ENPP1: variants seen among roughly 807,000 people sequenced by gnomAD.
ENPP1 encodes ectonucleotide pyrophosphatase/phosphodiesterase family member 1.
ENPP1 carries 73 observed loss-of-function variants against 122.8 expected under a neutral mutation model. The observed-to-expected ratio is 0.59, with a 90% confidence interval of 0.49 to 0.72. The LOEUF is 0.72. Among genes scored for constraint, ENPP1 ranks in the 30% least tolerant of loss-of-function variants. ENPP1 has a pLI of 0.00. For synonymous variants in ENPP1, 367 were observed against 391.6 expected (o/e 0.94, Z 0.74); for missense variants, 978 against 1,128.1 (o/e 0.87, Z 1.91).
intron 1 of ENPP1, among the ~76,000 whole-genome samples, chr6:131,816,853 G>C (rs72983649): frequency 0.1 from 15,636 of 152,226 alleles, 1,087 homozygotes; most frequent in African/African-American, 0.19. Context: ...CTGTGAAATA[G>C]GAAAGTATGA....
chr6:131,864,897 C>T lies in ENPP1; in HGVS notation c.1123C>T (p.Pro375Ser). The T allele has an allele frequency of 6.2e-7, 1 of 1,605,508 alleles. No individual in the cohort carries two copies. The highest frequency in any genetic ancestry group is 8.5e-7 in the Non-Finnish European group (1 of 1,172,368). Residue 375 changes from proline to serine, a missense_variant, in exon 11 of 25, where the codon CCA becomes TCA. Around this residue, in one of 3 missense-constraint regions of ENPP1, gnomAD observed 644 missense variants for 781.5 expected, o/e 0.82. Transcript: ENST00000647893. ...PHFYTLYLEE[P>S]DSSGHSYGPV... ...CTTTTACACTCTGTATTTAGAAGAA[C>T]CAGATTCTTCAGGTCATTCATATGG...
chr6:131,872,876 T>C, intron 14 of ENPP1, 47 bp from the exon 15 acceptor site: 3 of 1,601,032 alleles, frequency 1.9e-6, no homozygotes, highest in Non-Finnish European at 2.6e-6. Flanking sequence ...GACACTTTTT[T>C]AGATATTAGG....
intron 24 of ENPP1, among the ~76,000 whole-genome samples, chr6:131,887,847 G>C (rs377557667): frequency 4.7e-4 from 67 of 143,652 alleles, no homozygotes; most frequent in African/African-American, 1.6e-3. Context: ...TTACAGGCGT[G>C]AGCCACCGTG....
chr6:131,817,368 T>G (rs1368592275), intron 1 of ENPP1, among the ~76,000 whole-genome samples: 1 of 152,142 alleles, frequency 6.6e-6, no homozygotes, highest in Non-Finnish European at 1.5e-5. Context: ...TGCCTCTATA[T>G]TGAGATATAT....
chr6:131,827,329 C>A (rs1781558036), intron 1 of ENPP1: 8 of 1,291,492 alleles, frequency 6.2e-6, no homozygotes, highest in South Asian at 2.4e-5. Flanking sequence ...AAGGCAAAGT[C>A]ATTCTTGACA....
At chr6:131,853,755 T>G (rs1466698926) in intron 5 of ENPP1, among the ~76,000 whole-genome samples, 1 of 152,162 alleles carries the variant, frequency 6.6e-6, no homozygotes, top group African/African-American at 2.4e-5. Context: ...GAGTAAACTT[T>G]CAGTGGGAAG....
At chr6:131,873,442 A>G (rs1245479067) in intron 15 of ENPP1, among the ~76,000 whole-genome samples, 1 of 152,184 alleles carries the variant, frequency 6.6e-6, no homozygotes, top group Non-Finnish European at 1.5e-5. Flanking sequence ...CTTACAATCT[A>G]CATTTGTTAC....
chr6:131,885,453 T>A (rs1782365065), intron 23 of ENPP1, among the ~76,000 whole-genome samples: 1 of 152,174 alleles, frequency 6.6e-6, no homozygotes, highest in African/African-American at 2.4e-5. Flanking sequence ...AATAGGGTTA[T>A]AAAGCTGCAG....
rs1420253553 is a variant in ENPP1, at chr6:131,867,917, T to C, written c.1165-101T>C. 7 of 834,620 alleles carry C rather than the reference T, an allele frequency of 8.4e-6. No homozygotes were observed. In the East Asian group the frequency reaches 1.8e-4, roughly 21 times the overall value. The allele number at this position is 834,620 out of a possible 1,614,324, so 51.7% of individuals were successfully genotyped here. ...TATCTGTCTGTCTTTCTTTCTTTCTTTGTTTCTTTCTTTTTTTTTTTTTTT... is the reference window on the plus strand; with the variant it reads ...TATCTGTCTGTCTTTCTTTCTTTCTCTGTTTCTTTCTTTTTTTTTTTTTTT... On this transcript the variant is annotated intron_variant, in intron 11 of 24. Transcript: ENST00000647893.
chr6:131,826,019 C>T (rs904723764), intron 1 of ENPP1: 15 of 724,394 alleles, frequency 2.1e-5, no homozygotes, highest in Non-Finnish European at 3.9e-5. Context: ...TATTCTGTTA[C>T]AGGAAGAGGA....
In ENPP1 at chr6:131,880,020, A is replaced by G. The variant is rs962109361; in HGVS notation, c.2086A>G (p.Thr696Ala). 4 of 1,613,944 alleles carry G rather than the reference A, an allele frequency of 2.5e-6. No homozygotes were observed. The African/African-American group carries it at 5.3e-5, about 22-fold the overall frequency. The change falls in exon 20 of 25, where the codon ACC becomes GCC. Residue 696 changes from threonine (T) to alanine (A), a missense_variant. Physicochemically the swap from Thr to Ala is moderately conservative, Grantham distance 58. This residue lies in a region of ENPP1 where 644 missense variants were observed against 781.5 expected (regional missense o/e 0.82). Coordinates refer to ENST00000647893, the MANE Select transcript of ENPP1 (RefSeq NM_006208.3). ...DILMPLWTSY[T>A]VDRNDSFSTE... is the part of the protein sequence containing the mutation. ...CTTAATGCCCCTTTGGACATCCTAT[A>G]CCGTGGACAGAAATGCAAGTATTTG...
intron 13 of ENPP1, among the ~76,000 whole-genome samples, chr6:131,871,007 C>A (rs1211651896): frequency 6.6e-6 from 1 of 151,796 alleles, no homozygotes; most frequent in African/African-American, 2.4e-5. Flanking sequence ...ACCTGGGAGG[C>A]AGAGGTTGCA....
chr6:131,870,069 G>A (rs1416529939), intron 13 of ENPP1, among the ~76,000 whole-genome samples: 2 of 152,022 alleles, frequency 1.3e-5, no homozygotes, highest in Non-Finnish European at 2.9e-5. Context: ...ATTTTATGTT[G>A]AAGTGTGTGT....
chr6:131,877,375 G>C (rs1782244018), intron 18 of ENPP1: 3 of 581,204 alleles, frequency 5.2e-6, no homozygotes, highest in Non-Finnish European at 9.2e-6. Flanking sequence ...TAATTCCTTG[G>C]AGCTGTGACT....
In ENPP1 at chr6:131,880,335, G is replaced by A. The variant is rs569989281; in HGVS notation, c.2100+301G>A. On this transcript the variant is annotated intron_variant, in intron 20 of 24. Transcript: ENST00000647893. ...TCTCAGCACTTTGGGAGGCCGAGGC[G>A]GGCAGATCACGAGGTCAGGAGATCG... 1.1e-3 allele frequency among the ~76,000 whole-genome samples: 169 copies of A among 152,132 alleles called. 1 individual carries two copies. The highest frequency in any genetic ancestry group is 3.8e-3 in the African/African-American group (159 of 41,510).
chr6:131,850,083 A>G lies in ENPP1; in HGVS notation c.407A>G (p.Tyr136Cys). ...CVELGNCCLD[Y>C]QETCIEPEHI... The stretch of plus-strand genomic sequence containing the variant: ...GAGCTTGGAAACTGCTGTTTAGATT[A>G]CCAGGAGACGTGCATAGAACCAGGT... Residue 136 changes from tyrosine to cysteine, a missense_variant, in exon 3 of 25, where the codon TAC becomes TGC. Tyr to Cys is a radical substitution (Grantham distance 194). This residue lies in a region of ENPP1 where 330 missense variants were observed against 328.5 expected (regional missense o/e 1.00). Coordinates refer to ENST00000647893, the MANE Select transcript of ENPP1 (RefSeq NM_006208.3). 6.2e-7 allele frequency: 1 copy of G among 1,612,314 alleles called. No individual in the cohort carries two copies. The highest frequency in any genetic ancestry group is 8.5e-7 in the Non-Finnish European group (1 of 1,178,332).
chr6:131,862,202 CA>C (rs1386559738), intron 9 of ENPP1, among the ~76,000 whole-genome samples: 2 of 151,702 alleles, frequency 1.3e-5, no homozygotes, highest in Admixed American at 6.6e-5. Flanking sequence ...AAACAACAAA[CA>C]AAAAAAGACT....
chr6:131,857,287 A>C (rs1270716558), intron 6 of ENPP1, among the ~76,000 whole-genome samples: 1 of 149,048 alleles, frequency 6.7e-6, no homozygotes, highest in Admixed American at 6.6e-5. Context: ...TGACCCAGCC[A>C]TCCCATTACT....
At position 131,855,006 on chromosome 6, in the gene ENPP1, C is replaced by G; in HGVS notation, c.698C>G (p.Pro233Arg). 6.2e-7 allele frequency: 1 copy of G among 1,608,440 alleles called. No individual in the cohort carries two copies. Among genetic ancestry groups the G allele is most frequent in the Non-Finnish European group, 8.5e-7 (1 of 1,174,914 alleles). ...TTACACACTTGGGGTGGACTTCTTC[C>G]TGTTATTAGCAAACTAAGTGAGTAA... ...EYLHTWGGLL[P>R]VISKLKKCGT... The change falls in exon 6 of 25, where the codon CCT (proline) becomes CGT (arginine). Residue 233 changes from proline (P) to arginine (R), a missense_variant. Pro to Arg is a moderately radical substitution (Grantham distance 103, BLOSUM62 -2). Around this residue, in one of 3 missense-constraint regions of ENPP1, gnomAD observed 330 missense variants for 328.5 expected, o/e 1.00. Transcript: ENST00000647893.
Sources: allele counts gnomAD v4.1 joint callset (sites outside exome capture counted in the v4.1 genomes callset), GRCh38; gene constraint gnomAD v4.1.1; regional missense constraint gnomAD v4.1.1; transcripts MANE v1.5; gene names NCBI Gene and HGNC (gene_info 2026-07-23, HGNC 2026-07-21).